The following LEMD1 variants were observed in gnomAD, a reference collection of about 807,000 sequenced individuals.
LEMD1 encodes LEM domain-containing protein 1.
Under a neutral mutation model 17.4 loss-of-function variants are expected in LEMD1, and 18 were observed. The ratio of observed to expected loss-of-function variants is 1.04; its 90% CI spans 0.72 to 1.54. The LOEUF is 1.54. Ranked by LOEUF, LEMD1 falls within the 40% of genes most tolerant of loss-of-function variation. The probability of loss-of-function intolerance (pLI) is 0.00; values close to 1 mark genes in which losing one functional copy is unlikely to be tolerated. For missense variants in LEMD1, 195 were observed against 210.4 expected (o/e 0.93, Z 0.45); for synonymous variants, 88 against 77.8 (o/e 1.13, Z -0.69).
At chr1:205,420,938 A>C (rs1271543295) in intron 1 of LEMD1, among the ~76,000 whole-genome samples, 1 of 150,916 alleles carries the variant, frequency 6.6e-6, no homozygotes, top group Non-Finnish European at 1.5e-5. Flanking sequence ...TAAATATGAA[A>C]GAGCTGAGAG....
At chr1:205,407,008 C>T (rs750995823) in intron 4 of LEMD1, among the ~76,000 whole-genome samples, 19 of 152,000 alleles carry the variant, frequency 1.3e-4, no homozygotes, top group Non-Finnish European at 2.5e-4. Flanking sequence ...GGGGTCTGGT[C>T]GTCAGAAAGG....
At chr1:205,442,242 A>G (rs1666307143) in intron 1 of LEMD1, among the ~76,000 whole-genome samples, 1 of 152,164 alleles carries the variant, frequency 6.6e-6, no homozygotes, top group Non-Finnish European at 1.5e-5. Flanking sequence ...GCTGCGGGGA[A>G]GGAGGGAGGC....
intron 4 of LEMD1, among the ~76,000 whole-genome samples, chr1:205,408,913 G>T (rs1472099463): frequency 6.6e-6 from 1 of 151,984 alleles, no homozygotes; most frequent in Non-Finnish European, 1.5e-5. Flanking sequence ...GAGTGCAAGT[G>T]GCATGATCTG....
chr1:205,399,213 T>TA (rs36083021), intron 4 of LEMD1, among the ~76,000 whole-genome samples: 48,801 of 142,298 alleles, frequency 0.34, 8,045 homozygotes, highest in South Asian at 0.49. Context: ...AGACTCCATC[T>TA]AAAAAAAAAA....
intron 3 of LEMD1, among the ~76,000 whole-genome samples, chr1:205,418,575 G>A (rs766519469): frequency 6.6e-6 from 1 of 152,164 alleles, no homozygotes; most frequent in Non-Finnish European, 1.5e-5. Context: ...GAGTACAGTG[G>A]TGCCATCTTG....
Position 205,384,324 on chromosome 1 carries a change from GT to G in LEMD1, c.310del (p.Thr104ProfsTer53), listed in dbSNP as rs1663881456. The G allele has an allele frequency of 6.6e-7, 1 of 1,523,858 alleles. No homozygotes were observed. Among genetic ancestry groups the G allele is most frequent in the African/African-American group, 1.4e-5 (1 of 71,512 alleles). The allele number at this position is 1,523,858 out of a possible 1,614,324, so 94.4% of individuals were successfully genotyped here. A position where few individuals can be genotyped will look rare whatever the true frequency, so the allele number is the denominator to read the frequency against. On this transcript the variant is annotated frameshift_variant, in exon 5 of 6. Coordinates refer to ENST00000367153, the MANE Select transcript of LEMD1 (RefSeq NM_001199050.2). LOFTEE classifies it low-confidence loss of function (END_TRUNC). Reference protein sequence around the residue: ...ASTTKRKAVDTYCLDYKPSKG... With the variant: ...ASTTKRKAVDXYCLDYKPSKG... ...GGAAGGCTTATAATCCAAGCAATAGGTATCTACAGCTTTGCGTTTAGTGGTG... is the reference window on the plus strand; with the variant it reads ...GGAAGGCTTATAATCCAAGCAATAGGATCTACAGCTTTGCGTTTAGTGGTG...
At chr1:205,390,223 T>C (rs1038013218) in intron 4 of LEMD1, among the ~76,000 whole-genome samples, 3 of 151,932 alleles carry the variant, frequency 2.0e-5, no homozygotes, top group African/African-American at 4.8e-5. Context: ...GGCATGGTGG[T>C]GTGCATCTGT....
intron 1 of LEMD1, among the ~76,000 whole-genome samples, chr1:205,444,360 G>A (rs943156567): frequency 1.2e-4 from 18 of 151,944 alleles, no homozygotes; most frequent in African/African-American, 4.1e-4. Context: ...ACGGTCTGGG[G>A]GCACAGACGA....
At chr1:205,409,212 G>T (rs149679454) in intron 4 of LEMD1, among the ~76,000 whole-genome samples, 31 of 152,262 alleles carry the variant, frequency 2.0e-4, no homozygotes, top group Non-Finnish European at 3.8e-4. Context: ...ATCTTTAATT[G>T]TATCTGTATA....
At chr1:205,398,317 C>T (rs558199145) in intron 4 of LEMD1, among the ~76,000 whole-genome samples, 3 of 152,244 alleles carry the variant, frequency 2.0e-5, no homozygotes, top group African/African-American at 4.8e-5. Flanking sequence ...CCTGTATATA[C>T]AACTTGAATC....
intron 1 of LEMD1, among the ~76,000 whole-genome samples, chr1:205,421,375 G>A (rs572857722): frequency 5.8e-4 from 89 of 152,240 alleles, no homozygotes; most frequent in Non-Finnish European, 9.6e-4. Flanking sequence ...GGAGTTTATT[G>A]TACCACATTT....
At chr1:205,415,329 G>A (rs772867313) in intron 4 of LEMD1, among the ~76,000 whole-genome samples, 2 of 152,216 alleles carry the variant, frequency 1.3e-5, no homozygotes, top group African/African-American at 4.8e-5. Flanking sequence ...ATGCAGACCT[G>A]TGCCTCAGGA....
At chr1:205,392,541 T>A (rs369248687) in intron 4 of LEMD1, among the ~76,000 whole-genome samples, 3 of 148,404 alleles carry the variant, frequency 2.0e-5, no homozygotes, top group East Asian at 3.9e-4. Context: ...AATCCCGCCT[T>A]AAAAAAAAAC....
Position 205,420,514 on chromosome 1 carries a change from C to G in LEMD1, c.23G>C (p.Ser8Thr). 6.2e-7 allele frequency: 1 copy of G among 1,614,044 alleles called. No homozygotes were observed. Among genetic ancestry groups the G allele is most frequent in the Non-Finnish European group, 8.5e-7 (1 of 1,179,942 alleles). MVDVKCLSDCKLQNQLEK... is the reference protein window; with the variant it reads MVDVKCLTDCKLQNQLEK... ...AAGTTGGTTCTGCAATTTACAGTCA[C>G]TCAGACACTTCACATCCACCATGAT... The change falls in exon 2 of 6, where the codon AGT (serine) becomes ACT (threonine). Residue 8 changes from serine (S) to threonine (T), a missense_variant. Ser to Thr is a moderately conservative substitution (Grantham distance 58, BLOSUM62 1). Transcript: ENST00000367153.
intron 4 of LEMD1, among the ~76,000 whole-genome samples, chr1:205,391,665 A>G (rs563112203): frequency 6.6e-6 from 1 of 152,248 alleles, no homozygotes; most frequent in South Asian, 2.1e-4. Context: ...GCAGCCCAGG[A>G]GTAAGGAGGC....
intron 4 of LEMD1, among the ~76,000 whole-genome samples, chr1:205,389,440 CAT>C (rs1344583214): frequency 2.0e-5 from 3 of 152,180 alleles, no homozygotes. Flanking sequence ...TTCCACAAGA[CAT>C]ATATTTACCG....
upstream of LEMD1, among the ~76,000 whole-genome samples, chr1:205,425,017 G>A (rs1666036959): frequency 6.6e-6 from 1 of 152,206 alleles, no homozygotes; most frequent in South Asian, 2.1e-4. Context: ...TTAGAAGGCA[G>A]AATAGCCACA....
intron 1 of LEMD1, among the ~76,000 whole-genome samples, chr1:205,421,499 A>C (rs1279614197): frequency 1.3e-5 from 2 of 152,240 alleles, no homozygotes; most frequent in East Asian, 1.9e-4. Flanking sequence ...GTTGGTGATC[A>C]ATCAATGTCC....
chr1:205,440,105 C>T (rs919691227), intron 1 of LEMD1, among the ~76,000 whole-genome samples: 2 of 152,050 alleles, frequency 1.3e-5, no homozygotes, highest in Admixed American at 1.3e-4. Flanking sequence ...ACAGGAGAAT[C>T]AAGGGAGGGC....
Sources: gnomAD v4.1 joint callset for allele counts (sites outside exome capture counted in the v4.1 genomes callset) on GRCh38, gnomAD v4.1.1 for gene constraint, MANE v1.5 for transcripts, NCBI Gene and HGNC (gene_info 2026-07-23, HGNC 2026-07-21) for gene names.